Variants in MAGI1 observed in about 807,000 individuals in gnomAD.
The protein encoded by MAGI1 is membrane-associated guanylate kinase, WW and PDZ domain-containing protein 1.
In MAGI1, 58 loss-of-function variants were observed where a neutral mutation model predicts 139.9. That is an observed-to-expected ratio of 0.41 (90% CI 0.34 to 0.52). MAGI1 has a LOEUF of 0.52. Among genes scored for constraint, MAGI1 ranks in the 20% least tolerant of loss-of-function variants. The probability of loss-of-function intolerance (pLI) is 0.12; values close to 1 mark genes in which losing one functional copy is unlikely to be tolerated. For missense variants in MAGI1, 1,874 were observed against 1,901.6 expected, an observed-to-expected ratio of 0.99 and a Z score of 0.27; for synonymous variants, 812 against 737.9, an observed-to-expected ratio of 1.10 and a Z score of -1.63.
chr3:65,838,348 T>C (rs1332701848), intron 1 of MAGI1, among the ~76,000 whole-genome samples: 2 of 151,904 alleles, frequency 1.3e-5, no homozygotes, highest in Non-Finnish European at 2.9e-5. Context: ...GATACACAAA[T>C]ATTTCATCAC....
intron 1 of MAGI1, among the ~76,000 whole-genome samples, chr3:65,923,123 T>C (rs1395602824): frequency 6.6e-6 from 1 of 152,210 alleles, no homozygotes; most frequent in Non-Finnish European, 1.5e-5. Context: ...AGGCAAAAGA[T>C]TTCTAATTCT....
rs58364784 is a variant in MAGI1, at chr3:65,855,724, T to C, written c.313+182272A>G. On this transcript the variant is annotated intron_variant, in intron 1 of 22. Coordinates refer to ENST00000402939, the MANE Select transcript of MAGI1 (RefSeq NM_001033057.2). Reference sequence around the variant, plus strand: ...TTAAATAAAATCAGAAAGTAGGAGATAGCACATGTAGATTTGTAAGAACCA... The same window carrying C: ...TTAAATAAAATCAGAAAGTAGGAGACAGCACATGTAGATTTGTAAGAACCA... Among the ~76,000 whole-genome samples the C allele has an allele frequency of 5.3e-3, 794 of 149,566 alleles. 12 individuals are homozygous for C. The highest frequency in any genetic ancestry group is 0.019 in the African/African-American group (756 of 40,464).
At chr3:65,865,186 C>T (rs976806827) in intron 1 of MAGI1, among the ~76,000 whole-genome samples, 3 of 152,188 alleles carry the variant, frequency 2.0e-5, no homozygotes, top group African/African-American at 4.8e-5. Flanking sequence ...TCAGCATAAA[C>T]TCACATTCTC....
At chr3:65,838,130 T>C (rs2058688372) in intron 1 of MAGI1, among the ~76,000 whole-genome samples, 1 of 152,108 alleles carries the variant, frequency 6.6e-6, no homozygotes, top group Non-Finnish European at 1.5e-5. Context: ...CACAACTGGC[T>C]GGGCACAGTA....
chr3:65,876,531 A>G (rs2060125164), intron 1 of MAGI1, among the ~76,000 whole-genome samples: 1 of 152,158 alleles, frequency 6.6e-6, no homozygotes, highest in Admixed American at 6.5e-5. Context: ...AACAATAGAT[A>G]ATACCTAAAA....
chr3:65,808,142 C>T (rs998526375), intron 1 of MAGI1, among the ~76,000 whole-genome samples: 4 of 152,006 alleles, frequency 2.6e-5, no homozygotes, highest in Admixed American at 6.6e-5. Context: ...TTCGCCACCA[C>T]GCCCAGCTAA....
intron 1 of MAGI1, among the ~76,000 whole-genome samples, chr3:65,704,743 A>T (rs987325982): frequency 3.4e-5 from 5 of 147,624 alleles, no homozygotes; most frequent in Admixed American, 2.0e-4. Context: ...AAATTCATTT[A>T]AAAAAAAAAG....
intron 1 of MAGI1, among the ~76,000 whole-genome samples, chr3:66,013,499 A>T (rs994887261): frequency 2.0e-5 from 3 of 150,792 alleles, no homozygotes; most frequent in Admixed American, 6.6e-5. Context: ...CGGTGGCTCA[A>T]GCCTGTAATC....
intron 1 of MAGI1, among the ~76,000 whole-genome samples, chr3:65,928,737 C>G (rs2106696487): frequency 1.3e-5 from 2 of 152,160 alleles, no homozygotes; most frequent in East Asian, 3.9e-4. Flanking sequence ...TGTAGTTTCC[C>G]TTTTAAAACC....
intron 12 of MAGI1, among the ~76,000 whole-genome samples, chr3:65,419,112 C>T (rs1182731467): frequency 6.6e-6 from 1 of 152,116 alleles, no homozygotes; most frequent in African/African-American, 2.4e-5. Context: ...CTGCTCTTTC[C>T]CTCAGTAATC....
chr3:65,810,344 C>T (rs1278070282), intron 1 of MAGI1, among the ~76,000 whole-genome samples: 1 of 152,240 alleles, frequency 6.6e-6, no homozygotes, highest in African/African-American at 2.4e-5. Flanking sequence ...CTATCCCATA[C>T]ACCCAAACGG....
chr3:65,989,047 G>A (rs991982554), intron 1 of MAGI1, among the ~76,000 whole-genome samples: 4 of 152,146 alleles, frequency 2.6e-5, no homozygotes, highest in Admixed American at 6.6e-5. Context: ...TTAATAAGTC[G>A]AAGGACAGAG....
intron 1 of MAGI1, among the ~76,000 whole-genome samples, chr3:65,721,966 C>T (rs2033084509): frequency 6.6e-6 from 1 of 152,164 alleles, no homozygotes; most frequent in South Asian, 2.1e-4. Context: ...TTTCTTCTTC[C>T]TGGAATGTCC....
intron 1 of MAGI1, among the ~76,000 whole-genome samples, chr3:65,692,192 A>G (rs1337072892): frequency 1.3e-5 from 2 of 152,226 alleles, no homozygotes; most frequent in African/African-American, 4.8e-5. Context: ...AGGAATAAGC[A>G]TCATTGAGAA....
chr3:65,399,369 A>G (rs921087176), intron 13 of MAGI1, among the ~76,000 whole-genome samples: 9 of 152,210 alleles, frequency 5.9e-5, no homozygotes, highest in African/African-American at 2.2e-4. Flanking sequence ...AACCACTTTC[A>G]AGCCACCTGT....
chr3:65,850,644 T>C (rs546738381), intron 1 of MAGI1, among the ~76,000 whole-genome samples: 21 of 152,228 alleles, frequency 1.4e-4, no homozygotes, highest in Non-Finnish European at 2.6e-4. Context: ...TGTCCTCTGT[T>C]TTTACAGGGG....
intron 1 of MAGI1, among the ~76,000 whole-genome samples, chr3:65,732,096 C>G (rs1439620866): frequency 6.6e-6 from 1 of 152,188 alleles, no homozygotes; most frequent in Non-Finnish European, 1.5e-5. Flanking sequence ...TTAGCCCCTG[C>G]TGAACTGTTC....
intron 13 of MAGI1, among the ~76,000 whole-genome samples, chr3:65,392,805 A>T (rs1944038744): frequency 3.9e-5 from 6 of 152,230 alleles, no homozygotes; most frequent in Admixed American, 1.3e-4. Flanking sequence ...ATTTGAATGG[A>T]GGTATTGGCA....
At chr3:66,002,743 T>C (rs1282916949) in intron 1 of MAGI1, among the ~76,000 whole-genome samples, 1 of 152,136 alleles carries the variant, frequency 6.6e-6, no homozygotes, top group Non-Finnish European at 1.5e-5. Context: ...CTCGCACTCC[T>C]GACCTCAGGT....
Sources: allele counts gnomAD v4.1 joint callset (sites outside exome capture counted in the v4.1 genomes callset), GRCh38; gene constraint gnomAD v4.1.1; transcripts MANE v1.5; gene names NCBI Gene and HGNC (gene_info 2026-07-23, HGNC 2026-07-21).